The following TMPRSS4 variants were observed in gnomAD, a reference collection of about 807,000 sequenced individuals.
The protein encoded by TMPRSS4 is transmembrane protease serine 4.
TMPRSS4 carries 45 observed loss-of-function variants against 56.4 expected under a neutral mutation model. That is an observed-to-expected ratio of 0.80 (90% CI 0.63 to 1.02). TMPRSS4 has a LOEUF of 1.02. Among genes scored for constraint, TMPRSS4 ranks in the 50% least tolerant of loss-of-function variants. The pLI, the probability that TMPRSS4 is intolerant of heterozygous loss-of-function variation, is 0.00. For synonymous variants in TMPRSS4, 205 were observed against 211.0 expected (o/e 0.97, Z 0.25); for missense variants, 546 against 556.7 (o/e 0.98, Z 0.19).
rs1162785125 is a variant in TMPRSS4, at chr11:118,103,153, C to T, written c.210C>T (p.Phe70=). ...YYFLCGQPLH[F]IPRKQLCDGE... is the part of the protein sequence containing the mutation. ...TCCTCTGCGGGCAGCCTCTCCACTT[C>T]ATCCCGAGGAAGCAGCTGTGTGACG... The change falls in exon 4 of 13, where the codon TTC becomes TTT. Residue 70 remains phenylalanine (F), a synonymous_variant. Transcript: ENST00000437212. 3 of 1,614,252 alleles carry T rather than the reference C, an allele frequency of 1.9e-6. No homozygotes were observed. The highest frequency in any genetic ancestry group is 2.2e-5 in the East Asian group (1 of 44,882).
At chr11:118,106,901 T>C (rs1947019736) in intron 5 of TMPRSS4, 1 of 152,202 alleles carries the variant, frequency 6.6e-6, no homozygotes, top group Admixed American at 6.5e-5. Context: ...ACCTAGATCA[T>C]GAGGACTCTT....
chr11:118,111,655 A>T, intron 7 of TMPRSS4, 86 bp from the exon 8 acceptor site: 1 of 1,149,986 alleles, frequency 8.7e-7, no homozygotes, highest in South Asian at 1.8e-5. Context: ...GGCCCTGCTT[A>T]GAGCAGATTT....
In TMPRSS4 at chr11:118,118,881, AAAAGG is replaced by A. The variant is rs1373608939; in HGVS notation, c.*970_*974del. The A allele has an allele frequency of 4.1e-6, 4 of 985,312 alleles. No homozygotes were observed. 61.0% of individuals were successfully genotyped at this position (985,312 alleles called of 1,614,324 possible). On this transcript the variant is annotated 3_prime_UTR_variant, in exon 13 of 13. Coordinates refer to ENST00000437212, the MANE Select transcript of TMPRSS4 (RefSeq NM_019894.4). ...TGTGGCTTCTTACATTTAAAAAACA[AAAAGG>A]ATCAGCTGCCAGGTGTGAGGCAGTC...
intron 1 of TMPRSS4, among the ~76,000 whole-genome samples, chr11:118,084,981 T>G (rs1945431011): frequency 6.6e-6 from 1 of 152,072 alleles, no homozygotes; most frequent in Admixed American, 6.5e-5. Context: ...AAGACCAACC[T>G]AGGGGACTAT....
chr11:118,104,230 C>A (rs1946873449), intron 4 of TMPRSS4, among the ~76,000 whole-genome samples: 1 of 152,162 alleles, frequency 6.6e-6, no homozygotes, highest in Non-Finnish European at 1.5e-5. Flanking sequence ...GCCAGTAGGA[C>A]TTCTCACTCA....
At chr11:118,095,017 C>T (rs1230961538) in intron 2 of TMPRSS4, 162 bp downstream of exon 2, 2 of 755,174 alleles carry the variant, frequency 2.6e-6, no homozygotes, top group Non-Finnish European at 2.3e-6. Context: ...AGCAAACATT[C>T]CAGGATTCAT....
chr11:118,102,558 A>G (rs1337364328), intron 3 of TMPRSS4, among the ~76,000 whole-genome samples: 2 of 152,090 alleles, frequency 1.3e-5, no homozygotes, highest in East Asian at 1.9e-4. Flanking sequence ...AAATACAAAA[A>G]ATTAGCCAAG....
At chr11:118,094,997 T>C in intron 2 of TMPRSS4, 142 bp downstream of exon 2, 1 of 848,990 alleles carries the variant, frequency 1.2e-6, no homozygotes, top group South Asian at 1.5e-5. Context: ...CACCCGTCCA[T>C]CCATCACTCA....
Position 118,113,404 on chromosome 11 carries a change from C to T in TMPRSS4, c.879C>T (p.Leu293=). The stretch of plus-strand genomic sequence containing the variant: ...ACCCCAAAGACAATGACATCGCCCT[C>T]ATGAAGCTGCAGTTCCCACTCACTT... ...PMYPKDNDIA[L]MKLQFPLTFS... is the part of the protein sequence containing the mutation. The change falls in exon 9 of 13, where the codon CTC becomes CTT. Residue 293 remains leucine (L), a synonymous_variant. Transcript: ENST00000437212. The T allele has an allele frequency of 6.2e-7, 1 of 1,614,168 alleles. No homozygotes were observed. The highest frequency in any genetic ancestry group is 2.2e-5 in the East Asian group (1 of 44,880).
chr11:118,115,488 C>T, intron 11 of TMPRSS4: 1 of 578,740 alleles, frequency 1.7e-6, no homozygotes. Context: ...TGGATGCAGA[C>T]AAGCAGAGAG....
At chr11:118,103,316 CG>C in intron 4 of TMPRSS4, 63 bp downstream of exon 4, 7 of 1,569,398 alleles carry the variant, frequency 4.5e-6, no homozygotes, top group Non-Finnish European at 6.1e-6. Flanking sequence ...CAGGCCCCCA[CG>C]GCCCACTGCA....
At chr11:118,122,900 G>A (rs1447808550), downstream of TMPRSS4, among the ~76,000 whole-genome samples, 1 of 152,118 alleles carries the variant, frequency 6.6e-6, no homozygotes, top group Non-Finnish European at 1.5e-5. Context: ...AATGGGATTA[G>A]TGCCCCTTAC....
At position 118,121,739 on chromosome 11, in the gene TMPRSS4, C is replaced by T. The variant is rs1234771143; in HGVS notation, c.*3826C>T. The T allele has an allele frequency of 6.6e-6, 1 of 151,962 alleles. No homozygotes were observed. Among genetic ancestry groups the T allele is most frequent in the Admixed American group, 6.6e-5 (1 of 15,250 alleles). The allele number at this position is 151,962 out of a possible 1,614,324, so 9.4% of individuals were successfully genotyped here. ...TTGGTTGGCTATGAGTAGAAAAATA[C>T]ATCAGTAAAGAAAAAAGACCCTGTA... On this transcript the variant is annotated 3_prime_UTR_variant, in exon 13 of 13. Coordinates refer to ENST00000437212, the MANE Select transcript of TMPRSS4 (RefSeq NM_019894.4).
In TMPRSS4 at chr11:118,117,294, G is replaced by T. The variant is rs184395123; in HGVS notation, c.1153-11G>T. ...GCCCTCCCCAGCAGTCTCTGTTCTG[G>T]TCTCTCACAGGGTGACAGTGGTGGG... On this transcript the variant is annotated splice_polypyrimidine_tract_variant and intron_variant, in intron 11 of 12. Transcript: ENST00000437212. The T allele has an allele frequency of 7.6e-5, 122 of 1,613,838 alleles. No individual in the cohort carries two copies. The highest frequency in any genetic ancestry group is 9.9e-5 in the Non-Finnish European group (117 of 1,180,028).
At chr11:118,090,400 A>C (rs1435173996) in intron 1 of TMPRSS4, among the ~76,000 whole-genome samples, 1 of 152,118 alleles carries the variant, frequency 6.6e-6, no homozygotes, top group Non-Finnish European at 1.5e-5. Context: ...GTTTTGCTTT[A>C]GTTTATTTTT....
chr11:118,117,378 G>A lies in TMPRSS4; in HGVS notation c.1226G>A (p.Gly409Asp). The change falls in exon 12 of 13, where the codon GGC becomes GAC. Residue 409 changes from glycine to aspartate, a missense_variant. Physicochemically the swap from Gly to Asp is moderately conservative, Grantham distance 94. Coordinates refer to ENST00000437212, the MANE Select transcript of TMPRSS4 (RefSeq NM_019894.4). ...HVVGIVSWGYGCGGPSTPGVY... is the reference protein window; with the variant it reads ...HVVGIVSWGYDCGGPSTPGVY... Reference sequence around the variant, plus strand: ...GTGGGCATCGTTAGTTGGGGCTATGGCTGCGGGGGCCCGAGCACCCCAGGA... The same window carrying A: ...GTGGGCATCGTTAGTTGGGGCTATGACTGCGGGGGCCCGAGCACCCCAGGA... The A allele has an allele frequency of 6.2e-7, 1 of 1,614,126 alleles. No individual in the cohort carries two copies. The highest frequency in any genetic ancestry group is 1.7e-4 in the Middle Eastern group (1 of 6,060).
intron 1 of TMPRSS4, among the ~76,000 whole-genome samples, chr11:118,085,106 A>G (rs924699234): frequency 1.3e-4 from 20 of 152,162 alleles, no homozygotes; most frequent in Admixed American, 1.2e-3. Context: ...CTTTCTCCCC[A>G]TCATCTTGTG....
chr11:118,089,114 A>G (rs1389162104), intron 1 of TMPRSS4, among the ~76,000 whole-genome samples: 1 of 152,110 alleles, frequency 6.6e-6, no homozygotes, highest in Non-Finnish European at 1.5e-5. Context: ...CAGGGATGTC[A>G]TCGACATTGA....
chr11:118,113,851 C>T (rs898914816), intron 9 of TMPRSS4, among the ~76,000 whole-genome samples: 1 of 152,218 alleles, frequency 6.6e-6, no homozygotes, highest in Admixed American at 6.5e-5. Flanking sequence ...GAACCCATTA[C>T]CTGTGAGGCA....
Sources: allele counts gnomAD v4.1 joint callset (sites outside exome capture counted in the v4.1 genomes callset), GRCh38; gene constraint gnomAD v4.1.1; transcripts MANE v1.5; gene names NCBI Gene and HGNC (gene_info 2026-07-23, HGNC 2026-07-21).